The following ENOX1 variants were observed in gnomAD, a reference collection of about 807,000 sequenced individuals.
ENOX1 encodes ecto-NOX disulfide-thiol exchanger 1.
Under a neutral mutation model 82.5 loss-of-function variants are expected in ENOX1, and 42 were observed. The observed-to-expected ratio is 0.51, with a 90% CI of 0.40 to 0.66. The LOEUF is 0.66. Among genes scored for constraint, ENOX1 ranks in the 30% least tolerant of loss-of-function variants. The probability of loss-of-function intolerance (pLI) is 0.00; values close to 1 mark genes in which losing one functional copy is unlikely to be tolerated. For synonymous variants in ENOX1, 271 were observed against 282.2 expected (o/e 0.96, Z 0.40); for missense variants, 608 against 811.6 (o/e 0.75, Z 3.05).
chr13:43,723,947 A>G (rs973687284), intron 1 of ENOX1, among the ~76,000 whole-genome samples: 5 of 152,248 alleles, frequency 3.3e-5, no homozygotes, highest in African/African-American at 1.2e-4. Context: ...ATATCTGATC[A>G]GCCGTACAAC....
intron 2 of ENOX1, among the ~76,000 whole-genome samples, chr13:43,640,208 T>C (rs940858000): frequency 2.6e-5 from 4 of 152,306 alleles, no homozygotes; most frequent in East Asian, 1.9e-4. Flanking sequence ...GTTGAAACCA[T>C]GTAATAAGTT....
intron 3 of ENOX1, among the ~76,000 whole-genome samples, chr13:43,433,576 T>C (rs2055817587): frequency 6.6e-6 from 1 of 152,246 alleles, no homozygotes; most frequent in South Asian, 2.1e-4. Context: ...TATATGTTTA[T>C]TCTCTTTAAA....
At chr13:43,553,596 G>A (rs181451151) in intron 2 of ENOX1, among the ~76,000 whole-genome samples, 3 of 152,034 alleles carry the variant, frequency 2.0e-5, no homozygotes, top group African/African-American at 7.2e-5. Flanking sequence ...ACAAGTAGAG[G>A]GATTAAAGGA....
intron 1 of ENOX1, among the ~76,000 whole-genome samples, chr13:43,721,579 C>T (rs1025753542): frequency 1.2e-4 from 18 of 151,660 alleles, no homozygotes; most frequent in Admixed American, 1.1e-3. Flanking sequence ...GGGGTTTCAC[C>T]GTTTTAGCCG....
intron 3 of ENOX1, among the ~76,000 whole-genome samples, chr13:43,467,112 G>T (rs550410787): frequency 9.9e-5 from 15 of 152,126 alleles, no homozygotes; most frequent in African/African-American, 3.6e-4. Flanking sequence ...TTGTGTGAAT[G>T]TATGTTTTCA....
chr13:43,532,729 C>T (rs1295831399), intron 2 of ENOX1, among the ~76,000 whole-genome samples: 1 of 152,020 alleles, frequency 6.6e-6, no homozygotes, highest in African/African-American at 2.4e-5. Flanking sequence ...CAAATGTCTT[C>T]CATCAAGCCA....
intron 3 of ENOX1, among the ~76,000 whole-genome samples, chr13:43,426,949 A>C (rs2055343462): frequency 6.6e-6 from 1 of 152,176 alleles, no homozygotes; most frequent in Non-Finnish European, 1.5e-5. Context: ...AATAGGGGTC[A>C]CCACCTTCAT....
At chr13:43,479,436 CCCA>C (rs1566334495) in intron 3 of ENOX1, among the ~76,000 whole-genome samples, 1 of 152,144 alleles carries the variant, frequency 6.6e-6, no homozygotes, top group African/African-American at 2.4e-5. Context: ...TGGCATCAGC[CCCA>C]CCACTTCTCC....
intron 2 of ENOX1, among the ~76,000 whole-genome samples, chr13:43,610,553 C>T (rs1337151275): frequency 6.6e-6 from 1 of 152,138 alleles, no homozygotes; most frequent in African/African-American, 2.4e-5. Flanking sequence ...AGGATTAGTT[C>T]ACGCACTAAA....
chr13:43,650,555 T>C (rs9533566), intron 2 of ENOX1, among the ~76,000 whole-genome samples: 66,714 of 151,930 alleles, frequency 0.44, 14,792 homozygotes, highest in Admixed American at 0.5. Context: ...CCCAGGAGCT[T>C]GGCCGCGCAT....
intron 8 of ENOX1, among the ~76,000 whole-genome samples, chr13:43,350,804 AT>A (rs1283715528): frequency 1.3e-5 from 2 of 152,122 alleles, no homozygotes; most frequent in African/African-American, 4.8e-5. Context: ...TTTCAGAACA[AT>A]AGATAGGATA....
At chr13:43,592,943 G>C (rs996626273) in intron 2 of ENOX1, among the ~76,000 whole-genome samples, 1 of 152,144 alleles carries the variant, frequency 6.6e-6, no homozygotes, top group Admixed American at 6.5e-5. Flanking sequence ...TTCATAAATT[G>C]TTAAGGTTTT....
chr13:43,280,900 T>A (rs2045337471), intron 12 of ENOX1, among the ~76,000 whole-genome samples: 1 of 152,190 alleles, frequency 6.6e-6, no homozygotes, highest in Admixed American at 6.5e-5. Flanking sequence ...CATCAATCAC[T>A]AAGGGAAGTG....
At chr13:43,760,441 C>T (rs1394844103) in intron 1 of ENOX1, among the ~76,000 whole-genome samples, 2 of 152,140 alleles carry the variant, frequency 1.3e-5, no homozygotes, top group Non-Finnish European at 2.9e-5. Context: ...GAACAGAACT[C>T]CCACTGCATG....
intron 2 of ENOX1, among the ~76,000 whole-genome samples, chr13:43,643,586 G>T (rs2083754182): frequency 6.6e-6 from 1 of 151,506 alleles, no homozygotes; most frequent in South Asian, 2.1e-4. Context: ...TATATAATCT[G>T]AAGACATCCT....
intron 9 of ENOX1, among the ~76,000 whole-genome samples, chr13:43,328,264 C>A (rs1398232913): frequency 6.6e-6 from 1 of 152,180 alleles, no homozygotes; most frequent in South Asian, 2.1e-4. Flanking sequence ...CATGTTTTGT[C>A]TGTACACAGG....
At chr13:43,242,496 C>A (rs1285398270) in intron 14 of ENOX1, among the ~76,000 whole-genome samples, 1 of 152,186 alleles carries the variant, frequency 6.6e-6, no homozygotes, top group Non-Finnish European at 1.5e-5. Flanking sequence ...ACCAACTGAC[C>A]ACTGGGCTTG....
chr13:43,267,260 T>A (rs535243195), intron 13 of ENOX1, among the ~76,000 whole-genome samples: 6 of 152,128 alleles, frequency 3.9e-5, no homozygotes, highest in Admixed American at 1.3e-4. Context: ...GAAACTGAGG[T>A]TTGTGAACAA....
At chr13:43,513,970 ATGTT>A (rs1457380452) in intron 2 of ENOX1, among the ~76,000 whole-genome samples, 6 of 152,138 alleles carry the variant, frequency 3.9e-5, no homozygotes, top group Non-Finnish European at 8.8e-5. Context: ...TATTAATGCA[ATGTT>A]TGTTTATGTT....
Sources: allele counts gnomAD v4.1 joint callset (sites outside exome capture counted in the v4.1 genomes callset), GRCh38; gene constraint gnomAD v4.1.1; transcripts MANE v1.5; gene names NCBI Gene and HGNC (gene_info 2026-07-23, HGNC 2026-07-21).